The following CD44 variants were observed in gnomAD, a reference collection of about 807,000 sequenced individuals.
The protein encoded by CD44 is CD44 antigen.
Under a neutral mutation model 88.8 loss-of-function variants are expected in CD44, and 49 were observed. That is an observed-to-expected ratio of 0.55 (90% CI 0.44 to 0.70). The LOEUF (loss-of-function observed/expected upper bound fraction) is 0.70, where lower values mean the gene tolerates loss of function less well. Among genes scored for constraint, CD44 ranks in the 30% least tolerant of loss-of-function variants. CD44 has a pLI of 0.00. For missense variants in CD44, 883 were observed against 913.8 expected (o/e 0.97, Z 0.43); for synonymous variants, 325 against 312.3 (o/e 1.04, Z -0.43).
At chr11:35,180,497 CA>C (rs1354346799) in intron 3 of CD44, 90 bp downstream of exon 3, 2 of 1,383,410 alleles carry the variant, frequency 1.4e-6, no homozygotes, top group Non-Finnish European at 2.0e-6. Flanking sequence ...ATGTAGCCTC[CA>C]TTTACATAAC....
At chr11:35,220,299 T>C (rs1949187890) in intron 16 of CD44, among the ~76,000 whole-genome samples, 1 of 152,046 alleles carries the variant, frequency 6.6e-6, no homozygotes, top group African/African-American at 2.4e-5. Context: ...AGGTGGGATA[T>C]CTCAGGGCTG....
chr11:35,211,674 A>G (rs372281718), intron 14 of CD44, among the ~76,000 whole-genome samples: 339 of 149,206 alleles, frequency 2.3e-3, no homozygotes, highest in African/African-American at 8.0e-3. Context: ...CTGTGTTTGC[A>G]TGTGTGTGTG....
At position 35,229,975 on chromosome 11, in the gene CD44, A is replaced by G. The variant is rs1949979179; in HGVS notation, c.*642A>G. On this transcript the variant is annotated 3_prime_UTR_variant, in exon 18 of 18. Transcript: ENST00000428726. ...TTTTTAAAGTTACTTTGTCAGAGGC[A>G]CAAAAGGGTTTAAACTGATTCATAA... 1 of 152,460 alleles carries G rather than the reference A, an allele frequency of 6.6e-6. No homozygotes were observed. Among genetic ancestry groups the G allele is most frequent in the African/African-American group, 2.4e-5 (1 of 41,458 alleles). The allele number at this position is 152,460 out of a possible 1,614,324, so 9.4% of individuals were successfully genotyped here. A position where few individuals can be genotyped will look rare whatever the true frequency, so the allele number is the denominator to read the frequency against.
intron 1 of CD44, among the ~76,000 whole-genome samples, chr11:35,144,759 A>G (rs1006263385): frequency 6.6e-6 from 1 of 152,238 alleles, no homozygotes; most frequent in African/African-American, 2.4e-5. Flanking sequence ...GCATATTTTG[A>G]CTAAATGTTT....
At chr11:35,177,134 A>C (rs1944544448) in intron 2 of CD44, 1 of 162,262 alleles carries the variant, frequency 6.2e-6, no homozygotes, top group Non-Finnish European at 1.3e-5. Context: ...GCAGACTTGG[A>C]TCAAAGCAGA....
At chr11:35,226,673 G>C (rs1949709978) in intron 17 of CD44, among the ~76,000 whole-genome samples, 1 of 151,982 alleles carries the variant, frequency 6.6e-6, no homozygotes, top group Admixed American at 6.6e-5. Flanking sequence ...CCTCATAAGA[G>C]CAAGAATAAT....
At chr11:35,215,373 T>C (rs983044777) in intron 15 of CD44, among the ~76,000 whole-genome samples, 2 of 152,206 alleles carry the variant, frequency 1.3e-5, no homozygotes, top group Admixed American at 6.5e-5. Flanking sequence ...TGAGACAACA[T>C]TTCTCAACTA....
intron 1 of CD44, among the ~76,000 whole-genome samples, chr11:35,158,219 C>G (rs1159644307): frequency 6.6e-6 from 1 of 152,218 alleles, no homozygotes; most frequent in African/African-American, 2.4e-5. Flanking sequence ...GGACCAGGGT[C>G]TCTCAGAACC....
intron 4 of CD44, among the ~76,000 whole-genome samples, chr11:35,189,425 A>G (rs1253540729): frequency 1.3e-5 from 2 of 152,266 alleles, no homozygotes; most frequent in African/African-American, 2.4e-5. Flanking sequence ...TTTTATATGT[A>G]CTTCAGAAGG....
At position 35,186,812 on chromosome 11, in the gene CD44, C is replaced by CT. The variant is rs757360424; in HGVS notation, c.368-13dup. ...CTCATGTTTTTAAAGGGTTCTCATC[C>CT]TTTTTTTCCTACCTCATAGCTCCAC... On this transcript the variant is annotated intron_variant, in intron 3 of 17. Transcript: ENST00000428726. The CT allele has an allele frequency of 1.1e-5, 17 of 1,523,194 alleles. No individual in the cohort carries two copies. Among genetic ancestry groups the CT allele is most frequent in the African/African-American group, 1.4e-5 (1 of 72,994 alleles). 94.4% of individuals were successfully genotyped at this position (1,523,194 alleles called of 1,614,324 possible). A position where few individuals can be genotyped will look rare whatever the true frequency, so the allele number is the denominator to read the frequency against.
chr11:35,161,088 A>G (rs1364791369), intron 1 of CD44, among the ~76,000 whole-genome samples: 2 of 152,216 alleles, frequency 1.3e-5, no homozygotes, highest in Admixed American at 6.5e-5. Context: ...TGACCAGTTA[A>G]TAAAGAATTA....
intron 2 of CD44, among the ~76,000 whole-genome samples, chr11:35,179,564 A>G (rs752698453): frequency 5.9e-5 from 9 of 152,150 alleles, no homozygotes; most frequent in Admixed American, 2.6e-4. Flanking sequence ...CTACTTCTGG[A>G]AAGTTCCTGA....
intron 17 of CD44, chr11:35,222,314 T>C: frequency 1.3e-6 from 1 of 788,758 alleles, no homozygotes; most frequent in Non-Finnish European, 1.9e-6. Context: ...ATTGGCCTTG[T>C]GCTTTTGTTT....
Position 35,231,446 on chromosome 11 carries a change from T to G in CD44, c.*2113T>G, listed in dbSNP as rs1228071676. The stretch of plus-strand genomic sequence containing the variant: ...GATGGTTTTCCACTCCTTCTAGATA[T>G]TCCCAAAAAGAGGCTGAGACAGGAG... On this transcript the variant is annotated 3_prime_UTR_variant, in exon 18 of 18. Transcript: ENST00000428726. 2.0e-5 allele frequency: 3 copies of G among 152,224 alleles called. No homozygotes were observed. The highest frequency in any genetic ancestry group is 2.9e-5 in the Non-Finnish European group (2 of 68,042). The allele number at this position is 152,224 out of a possible 1,614,324, so 9.4% of individuals were successfully genotyped here. A position where few individuals can be genotyped will look rare whatever the true frequency, so the allele number is the denominator to read the frequency against.
chr11:35,142,664 A>G (rs1430880324), intron 1 of CD44, among the ~76,000 whole-genome samples: 2 of 152,188 alleles, frequency 1.3e-5, no homozygotes, highest in Non-Finnish European at 2.9e-5. Flanking sequence ...GGTATTCCCC[A>G]TTTACACATT....
intron 5 of CD44, among the ~76,000 whole-genome samples, chr11:35,191,894 G>A (rs1242829311): frequency 2.0e-5 from 3 of 152,156 alleles, no homozygotes; most frequent in African/African-American, 7.2e-5. Flanking sequence ...GGGATCGAAG[G>A]ATAAACATAG....
chr11:35,180,029 AT>A (rs3215691), intron 2 of CD44, among the ~76,000 whole-genome samples: 10,057 of 151,746 alleles, frequency 0.066, 409 homozygotes, highest in South Asian at 0.19. Flanking sequence ...TCCTTTCATG[AT>A]TTTTTTTTAA....
rs193276389 is a variant in CD44 at position 35,172,545 on chromosome 11, G to A, written c.68-4030G>A. Reference sequence around the variant, plus strand: ...TAATTTTTTTCTCCCAAATTGATGTGGATGGCATATCGCTGCAGGCTTCAT... The same window carrying A: ...TAATTTTTTTCTCCCAAATTGATGTAGATGGCATATCGCTGCAGGCTTCAT... On this transcript the variant is annotated intron_variant, in intron 1 of 17. Coordinates refer to ENST00000428726, the MANE Select transcript of CD44 (RefSeq NM_000610.4). 9.9e-5 allele frequency among the ~76,000 whole-genome samples: 15 copies of A among 152,198 alleles called. No individual in the cohort carries two copies. In the East Asian group the frequency reaches 2.7e-3, roughly 27 times the overall value.
In CD44 at chr11:35,211,264, G is replaced by C; in HGVS notation, c.1625G>C (p.Gly542Ala). ...CACACAGATAGGAATGATGTCACAGGTGGAAGAAGAGACCCAAATCATTCT... is the reference window on the plus strand; with the variant it reads ...CACACAGATAGGAATGATGTCACAGCTGGAAGAAGAGACCCAAATCATTCT... Reference protein sequence around the residue: ...LTSSNRNDVTGGRRDPNHSEG... With the variant: ...LTSSNRNDVTAGRRDPNHSEG... Residue 542 changes from glycine (G) to alanine (A), a missense_variant, in exon 14 of 18, where the codon GGT becomes GCT. Gly to Ala is a moderately conservative substitution (Grantham distance 60). This residue lies in a region of CD44 where 631 missense variants were observed against 590.9 expected (regional missense o/e 1.07). Transcript: ENST00000428726. 1 of 1,613,726 alleles carries C rather than the reference G, an allele frequency of 6.2e-7. No individual in the cohort carries two copies. Among genetic ancestry groups the C allele is most frequent in the East Asian group, 2.2e-5 (1 of 44,864 alleles).
Sources: gnomAD v4.1 joint callset for allele counts (sites outside exome capture counted in the v4.1 genomes callset) on GRCh38, gnomAD v4.1.1 for gene constraint, gnomAD v4.1.1 regional missense constraint, MANE v1.5 for transcripts, NCBI Gene and HGNC (gene_info 2026-07-23, HGNC 2026-07-21) for gene names.